SPARCL1: variants seen among roughly 807,000 people sequenced by gnomAD.
SPARCL1 encodes SPARC like 1, also known as SPARC-like protein 1.
In SPARCL1, 52 loss-of-function variants were observed where a neutral mutation model predicts 67.1. The observed-to-expected ratio is 0.78, with a 90% confidence interval of 0.62 to 0.98. The LOEUF (loss-of-function observed/expected upper bound fraction) is 0.98, where lower values mean the gene tolerates loss of function less well. Among genes scored for constraint, SPARCL1 ranks in the 50% least tolerant of loss-of-function variants. The pLI, the probability that SPARCL1 is intolerant of heterozygous loss-of-function variation, is 0.00. For missense variants in SPARCL1, 717 were observed against 782.4 expected (o/e 0.92, Z 1.00); for synonymous variants, 226 against 267.8 (o/e 0.84, Z 1.52).
chr4:87,520,491 G>C (rs1381509521), intron 1 of SPARCL1, among the ~76,000 whole-genome samples: 1 of 152,056 alleles, frequency 6.6e-6, no homozygotes, highest in Admixed American at 6.5e-5. Flanking sequence ...TTTCCTTTTT[G>C]TGGGAGTAGG....
chr4:87,519,572 A>G (rs1725721142), intron 1 of SPARCL1, among the ~76,000 whole-genome samples: 1 of 152,126 alleles, frequency 6.6e-6, no homozygotes, highest in African/African-American at 2.4e-5. Flanking sequence ...TCCCCACTCC[A>G]CTAATCTTCA....
chr4:87,528,898 T>C (rs1726162145), intron 1 of SPARCL1, 147 bp downstream of exon 1: 2 of 152,238 alleles, frequency 1.3e-5, no homozygotes, highest in Non-Finnish European at 2.9e-5. Context: ...CTCTATGAAG[T>C]ATCTTTTCTG....
intron 1 of SPARCL1, among the ~76,000 whole-genome samples, chr4:87,527,329 C>G: frequency 6.6e-6 from 1 of 152,076 alleles, no homozygotes; most frequent in Non-Finnish European, 1.5e-5. Context: ...GTCTCCTTCT[C>G]CACTGAAGAT....
chr4:87,512,495 G>T lies in SPARCL1; in HGVS notation c.-11-12910C>A, dbSNP rs1000005938. On this transcript the variant is annotated intron_variant, in intron 1 of 10. Transcript: ENST00000282470. Reference sequence around the variant, plus strand: ...ACTTGGTAAACCTTTGCACATTGGAGTTTTTCCTCTTGGTGGAAGCTATCA... The same window carrying T: ...ACTTGGTAAACCTTTGCACATTGGATTTTTTCCTCTTGGTGGAAGCTATCA... Among the ~76,000 whole-genome samples the T allele has an allele frequency of 3.3e-5, 5 of 152,198 alleles. No individual in the cohort carries two copies. The South Asian group carries it at 8.3e-4, about 25-fold the overall frequency.
In SPARCL1 at chr4:87,482,516, G is replaced by A. The variant is rs955889606; in HGVS notation, c.1576C>T (p.Arg526Trp). ...ATATTCTTGAGCCAGTCTCTCATCC[G>A]TAGAGGAAACTGAATCACTTCAAAG... is the stretch of plus-strand genomic sequence containing the variant. ...TDFEVIQFPL[R>W]MRDWLKNILM... The change falls in exon 8 of 11, where the codon CGG becomes TGG. Residue 526 changes from arginine to tryptophan, a missense_variant. Transcript: ENST00000282470. 9.9e-6 allele frequency: 16 copies of A among 1,613,814 alleles called. No homozygotes were observed. Among genetic ancestry groups the A allele is most frequent in the African/African-American group, 2.7e-5 (2 of 74,896 alleles).
intron 5 of SPARCL1, among the ~76,000 whole-genome samples, chr4:87,491,158 G>A (rs1455316271): frequency 6.6e-6 from 1 of 152,192 alleles, no homozygotes; most frequent in Non-Finnish European, 1.5e-5. Context: ...AGAACAGACA[G>A]CTCTTCTATG....
At position 87,493,786 on chromosome 4, in the gene SPARCL1, A is replaced by T. The variant is rs1724470199; in HGVS notation, c.1014T>A (p.Asp338Glu). ...CATCGCCATCATCATCGCCATCATC[A>T]TCAACTCCATGATTTCTGGGCGTGG... is the stretch of plus-strand genomic sequence containing the variant. ...GNTTPRNHGV[D>E]DDGDDDGDDG... is the part of the protein sequence containing the mutation. The change falls in exon 4 of 11, where the codon GAT becomes GAA. Residue 338 changes from aspartate to glutamate, a missense_variant. By Grantham distance (45) the Asp-to-Glu change is conservative. Transcript: ENST00000282470. 6.2e-7 allele frequency: 1 copy of T among 1,613,986 alleles called. No homozygotes were observed. The highest frequency in any genetic ancestry group is 8.5e-7 in the Non-Finnish European group (1 of 1,180,018).
chr4:87,491,619 C>CA lies in SPARCL1; in HGVS notation c.1289dup (p.Asp431GlyfsTer9). The CA allele has an allele frequency of 6.2e-7, 1 of 1,608,960 alleles. No homozygotes were observed. The highest frequency in any genetic ancestry group is 8.5e-7 in the Non-Finnish European group (1 of 1,175,462). Reference sequence around the variant, plus strand: ...ACAGCTTGCTTCATGCATACTCACCCACAGCATGCACCCTCATGTTGCCTT... The same window carrying CA: ...ACAGCTTGCTTCATGCATACTCACCCAACAGCATGCACCCTCATGTTGCCTT... On this transcript the variant is annotated frameshift_variant and splice_region_variant, in exon 5 of 11. Transcript: ENST00000282470. LOFTEE classifies it high-confidence loss of function.
intron 1 of SPARCL1, chr4:87,528,676 C>T (rs947197855): frequency 2.6e-5 from 4 of 152,050 alleles, no homozygotes; most frequent in African/African-American, 9.6e-5. Flanking sequence ...TTTTTAAAAA[C>T]TACCTTCTTT....
intron 1 of SPARCL1, among the ~76,000 whole-genome samples, chr4:87,524,517 A>C (rs1171307093): frequency 1.3e-5 from 2 of 152,224 alleles, no homozygotes; most frequent in African/African-American, 4.8e-5. Context: ...AAAAGAATGG[A>C]AACTCACCAG....
At chr4:87,473,847 C>G in intron 10 of SPARCL1, 44 bp from the exon 11 acceptor site, 1 of 1,368,818 alleles carries the variant, frequency 7.3e-7, no homozygotes, top group South Asian at 1.2e-5. Context: ...AGAAAGTAGC[C>G]AGAGTAGTAG....
At position 87,494,244 on chromosome 4, in the gene SPARCL1, T is replaced by C. The variant is rs145599815; in HGVS notation, c.556A>G (p.Arg186Gly). The C allele has an allele frequency of 3.5e-5, 56 of 1,614,144 alleles. No individual in the cohort carries two copies. In the African/African-American group the frequency reaches 7.5e-4, roughly 22 times the overall value. ...TCCTGCTCTTGGTTTCCTTGATCCC[T>C]TAGGCCTTGGCTATGTTTACTGCTC... ...NRSSKHSQGL[R>G]DQGNQEQDPN... Residue 186 changes from arginine to glycine, a missense_variant, in exon 4 of 11, where the codon AGG becomes GGG. Arg to Gly is a moderately radical substitution (Grantham distance 125). Transcript: ENST00000282470.
chr4:87,478,324 A>G (rs1206020925), intron 10 of SPARCL1, among the ~76,000 whole-genome samples: 1 of 152,128 alleles, frequency 6.6e-6, no homozygotes, highest in Admixed American at 6.6e-5. Context: ...ACCTTGTGGA[A>G]TGGTTAAATT....
chr4:87,505,724 G>GGTTTTT lies in SPARCL1; in HGVS notation c.-11-6140_-11-6139insAAAAAC, dbSNP rs55992030. Among the ~76,000 whole-genome samples the GGTTTTT allele has an allele frequency of 2.7e-4, 38 of 141,112 alleles. 3 individuals carry two copies. The highest frequency in any genetic ancestry group is 3.7e-3 in the Middle Eastern group (1 of 272). 92.6% of individuals were successfully genotyped at this position (141,112 alleles called of 152,430 possible). A position where few individuals can be genotyped will look rare whatever the true frequency, so the allele number is the denominator to read the frequency against. On this transcript the variant is annotated intron_variant, in intron 1 of 10. Transcript: ENST00000282470. Reference sequence around the variant, plus strand: ...TGCAAACTATTATGCTCAGCTAATTGTTTTTTTTTTTTTTTGTAGAGATGG... The same window carrying GGTTTTT: ...TGCAAACTATTATGCTCAGCTAATTGGTTTTTTTTTTTTTTTTTTTTGTAGAGATGG...
In SPARCL1 at chr4:87,512,265, G is replaced by A. The variant is rs553805538; in HGVS notation, c.-11-12680C>T. 7.2e-5 allele frequency among the ~76,000 whole-genome samples: 11 copies of A among 152,054 alleles called. 1 individual carries two copies. The highest frequency in any genetic ancestry group is 6.2e-4 in the South Asian group (3 of 4,818). The stretch of plus-strand genomic sequence containing the variant: ...ATTACAGGCATGAGCCACCATGCCC[G>A]GCCCCAGATTTCCCTTCTGTGCTGA... On this transcript the variant is annotated intron_variant, in intron 1 of 10. Coordinates refer to ENST00000282470, the MANE Select transcript of SPARCL1 (RefSeq NM_004684.6).
intron 7 of SPARCL1, 111 bp downstream of exon 7, chr4:87,490,161 TG>T (rs1724254665): frequency 8.7e-7 from 1 of 1,149,934 alleles, no homozygotes; most frequent in Admixed American, 2.9e-5. Context: ...ATAATTTTTG[TG>T]TTCAGAACTA....
chr4:87,520,124 C>T (rs1725745049), intron 1 of SPARCL1, among the ~76,000 whole-genome samples: 1 of 151,736 alleles, frequency 6.6e-6, no homozygotes, highest in South Asian at 2.1e-4. Context: ...CCTGTAGTCC[C>T]AGCTACTCAG....
chr4:87,514,984 T>C (rs140015195), intron 1 of SPARCL1, among the ~76,000 whole-genome samples: 1 of 152,330 alleles, frequency 6.6e-6, no homozygotes, highest in East Asian at 1.9e-4. Flanking sequence ...GAGTTTGGTG[T>C]GCACTGACTA....
Position 87,494,499 on chromosome 4 carries a change from C to G in SPARCL1, c.301G>C (p.Glu101Gln). The G allele has an allele frequency of 6.2e-7, 1 of 1,614,174 alleles. No homozygotes were observed. Among genetic ancestry groups the G allele is most frequent in the Non-Finnish European group, 8.5e-7 (1 of 1,180,014 alleles). ...SSQELGLKDQEDSDGHLSVNL... is the reference protein window; with the variant it reads ...SSQELGLKDQQDSDGHLSVNL... ...ACACTTAAGTGACCATCACTGTCCT[C>G]TTGATCCTTCAATCCCAGCTCTTGG... Residue 101 changes from glutamate (E) to glutamine (Q), a missense_variant, in exon 4 of 11, where the codon GAG (glutamate) becomes CAG (glutamine). Glu to Gln is a conservative substitution (Grantham distance 29). Coordinates refer to ENST00000282470, the MANE Select transcript of SPARCL1 (RefSeq NM_004684.6).
Sources: allele counts gnomAD v4.1 joint callset (sites outside exome capture counted in the v4.1 genomes callset), GRCh38; gene constraint gnomAD v4.1.1; transcripts MANE v1.5; gene names NCBI Gene and HGNC (gene_info 2026-07-23, HGNC 2026-07-21).